The following PIEZO2 variants were observed in gnomAD, a reference collection of about 807,000 sequenced individuals.
PIEZO2 encodes the protein piezo type mechanosensitive ion channel component 2.
A neutral mutation model predicts 337.3 loss-of-function variants in PIEZO2; 172 were observed. That is an observed-to-expected ratio of 0.51 (90% CI 0.45 to 0.58). The LOEUF is 0.58. PIEZO2 is among the 20% of genes least tolerant of loss of function. PIEZO2 has a pLI of 0.00. For synonymous variants in PIEZO2, 1,251 were observed against 1,228.5 expected (o/e 1.02, Z -0.38); for missense variants, 3,028 against 3,391.3 (o/e 0.89, Z 2.66).
intron 52 of PIEZO2, among the ~76,000 whole-genome samples, chr18:10,678,279 GT>G (rs1389228624): frequency 6.6e-6 from 1 of 152,104 alleles, no homozygotes; most frequent in African/African-American, 2.4e-5. Flanking sequence ...CTGTTTTTTT[GT>G]TGTTTTTGTT....
intron 3 of PIEZO2, among the ~76,000 whole-genome samples, chr18:10,930,044 C>T (rs1451499230): frequency 6.6e-6 from 1 of 152,164 alleles, no homozygotes; most frequent in Non-Finnish European, 1.5e-5. Context: ...CAATAAGATA[C>T]CAAATTCCAG....
In PIEZO2 at chr18:10,746,344, T is replaced by C. The variant is rs1428507942; in HGVS notation, c.4425-2113A>G. ...TATCACTCACCACTCACTGTCCTCA[T>C]CTTCCAATCTCAGCGCTGCAGTCAC... On this transcript the variant is annotated intron_variant, in intron 30 of 55. Transcript: ENST00000674853. This position sits in a 1 kb window ranked among gnomAD's most constrained non-coding sequence, Gnocchi z 4.2. Among the ~76,000 whole-genome samples the C allele has an allele frequency of 1.3e-5, 2 of 152,218 alleles. No individual in the cohort carries two copies. Among genetic ancestry groups the C allele is most frequent in the African/African-American group, 4.8e-5 (2 of 41,454 alleles).
intron 3 of PIEZO2, among the ~76,000 whole-genome samples, chr18:10,955,440 A>G (rs1288835810): frequency 6.6e-6 from 1 of 152,212 alleles, no homozygotes; most frequent in Non-Finnish European, 1.5e-5. Flanking sequence ...AGGTGTCATC[A>G]TGCAGCCACT....
chr18:10,844,985 G>A (rs1214381017), intron 7 of PIEZO2, among the ~76,000 whole-genome samples: 1 of 151,970 alleles, frequency 6.6e-6, no homozygotes, highest in African/African-American at 2.4e-5. Context: ...GACGAGATAT[G>A]GGACAAACTA....
Position 10,876,194 on chromosome 18 carries a change from T to TAAAAC in PIEZO2, c.330-4784_330-4780dup, listed in dbSNP as rs926346979. ...GCCAGTCCTCAGAAATGCATTCCATTAAAACAAAACAAAACAAGACAAAAG... is the reference window on the plus strand; with the variant it reads ...GCCAGTCCTCAGAAATGCATTCCATTAAAACAAAACAAAACAAAACAAGACAAAAG... On this transcript the variant is annotated intron_variant, in intron 4 of 55. Transcript: ENST00000674853. 3.4e-4 allele frequency among the ~76,000 whole-genome samples: 51 copies of TAAAAC among 152,154 alleles called. 1 individual carries two copies. The highest frequency in any genetic ancestry group is 1.5e-4 in the Non-Finnish European group (10 of 68,032).
At chr18:10,752,955 A>G in intron 27 of PIEZO2, 76 bp from the exon 28 acceptor site, 1 of 1,468,818 alleles carries the variant, frequency 6.8e-7, no homozygotes, top group East Asian at 2.5e-5. Flanking sequence ...GTCTTTAACA[A>G]GGGAAGAAAT....
At chr18:11,115,044 C>T (rs1014709660) in intron 1 of PIEZO2, among the ~76,000 whole-genome samples, 7 of 152,100 alleles carry the variant, frequency 4.6e-5, no homozygotes, top group Non-Finnish European at 8.8e-5. Flanking sequence ...CCTGTCTCTC[C>T]CCAGATATAA....
At chr18:10,696,731 C>T (rs558915486) in intron 45 of PIEZO2, among the ~76,000 whole-genome samples, 192 bp from the exon 46 acceptor site, 8 of 152,232 alleles carry the variant, frequency 5.3e-5, no homozygotes, top group Non-Finnish European at 1.0e-4. Flanking sequence ...TACACATTTA[C>T]TGCCAAGATA....
chr18:10,733,224 G>A (rs1308330347), intron 35 of PIEZO2, among the ~76,000 whole-genome samples: 2 of 152,138 alleles, frequency 1.3e-5, no homozygotes, highest in Admixed American at 6.5e-5. Flanking sequence ...TCACTGCCAT[G>A]AGAATTGAGG....
At chr18:10,734,858 GCTTT>G (rs1337897581) in intron 35 of PIEZO2, among the ~76,000 whole-genome samples, 3 of 152,116 alleles carry the variant, frequency 2.0e-5, no homozygotes, top group Non-Finnish European at 4.4e-5. Flanking sequence ...AATTTTACCA[GCTTT>G]CTGAGAAAAA....
chr18:10,693,314 T>C (rs1032906562), intron 47 of PIEZO2, among the ~76,000 whole-genome samples: 1 of 151,898 alleles, frequency 6.6e-6, no homozygotes, highest in African/African-American at 2.4e-5. Flanking sequence ...TAGGCTGTCA[T>C]ATCTGCCGCA....
intron 18 of PIEZO2, among the ~76,000 whole-genome samples, chr18:10,778,445 C>G (rs1328626878): frequency 6.6e-6 from 1 of 151,862 alleles, no homozygotes; most frequent in Non-Finnish European, 1.5e-5. Flanking sequence ...CCATTCTCCT[C>G]CCTTAGCCTC....
intron 13 of PIEZO2, among the ~76,000 whole-genome samples, chr18:10,792,817 G>C (rs1032394625): frequency 6.6e-6 from 1 of 152,186 alleles, no homozygotes; most frequent in African/African-American, 2.4e-5. Context: ...TGGTCTTATG[G>C]AAATTTTATG....
intron 18 of PIEZO2, among the ~76,000 whole-genome samples, chr18:10,778,569 T>C (rs2038871103): frequency 6.6e-6 from 1 of 152,068 alleles, no homozygotes; most frequent in South Asian, 2.1e-4. Flanking sequence ...CCTGACCTCA[T>C]GATCCACCTG....
intron 13 of PIEZO2, 93 bp from the exon 14 acceptor site, chr18:10,791,417 G>T: frequency 1.5e-6 from 2 of 1,319,844 alleles, no homozygotes; most frequent in Non-Finnish European, 2.0e-6. Context: ...CATTCCAGTG[G>T]GAGCACAATA....
chr18:10,995,077 C>CAAAAAAAAAAAAAAAAAAAA (rs767666232), intron 2 of PIEZO2, among the ~76,000 whole-genome samples: 2 of 28,286 alleles, frequency 7.1e-5, no homozygotes, highest in African/African-American at 1.4e-4. Flanking sequence ...GACTCCGTCT[C>CAAAAAAAAAAAAAAAAAAAA]AAAAAAAAAA....
chr18:10,764,890 G>C (rs1249643378), intron 21 of PIEZO2, among the ~76,000 whole-genome samples: 2 of 152,186 alleles, frequency 1.3e-5, no homozygotes, highest in Non-Finnish European at 2.9e-5. Context: ...TTCCTCCATA[G>C]TCATCAACAA....
At chr18:11,095,042 G>C (rs2039223954) in intron 1 of PIEZO2, among the ~76,000 whole-genome samples, 1 of 152,208 alleles carries the variant, frequency 6.6e-6, no homozygotes, top group African/African-American at 2.4e-5. Context: ...CACTGGCAAA[G>C]CTTGCCCCAC....
rs117051688 is a variant in PIEZO2, at chr18:10,847,611, C to T, written c.917+7742G>A. The stretch of plus-strand genomic sequence containing the variant: ...CACTACACCCACGTAGGCCCCCAAA[C>T]GATACCAAGGTCCAGATGAACTCAG... On this transcript the variant is annotated intron_variant, in intron 7 of 55. Coordinates refer to ENST00000674853, the MANE Select transcript of PIEZO2 (RefSeq NM_001378183.1). The surrounding 1 kb of genome is among the most constrained non-coding windows in gnomAD (Gnocchi z 5.7). Among the ~76,000 whole-genome samples the T allele has an allele frequency of 3.5e-3, 536 of 152,300 alleles. 2 individuals carry two copies. Among genetic ancestry groups the T allele is most frequent in the Non-Finnish European group, 5.5e-3 (371 of 68,024 alleles).
Sources: gnomAD v4.1 joint callset for allele counts (sites outside exome capture counted in the v4.1 genomes callset) on GRCh38, gnomAD v4.1.1 for gene constraint, Gnocchi (gnomAD v3.1) non-coding constraint, MANE v1.5 for transcripts, NCBI Gene and HGNC (gene_info 2026-07-23, HGNC 2026-07-21) for gene names.